PRR5: variants seen among roughly 807,000 people sequenced by gnomAD.
PRR5 encodes the protein proline-rich protein 5.
In PRR5, 25 loss-of-function variants were observed where a neutral mutation model predicts 30.6. The observed-to-expected ratio is 0.82, with a 90% CI of 0.60 to 1.14. The LOEUF (loss-of-function observed/expected upper bound fraction) is 1.14. Ranked by LOEUF, PRR5 falls within the 50% of genes most tolerant of loss-of-function variation. The pLI, the probability that PRR5 is intolerant of heterozygous loss-of-function variation, is 0.00. For synonymous variants in PRR5, 286 were observed against 247.1 expected, an observed-to-expected ratio of 1.16 and a Z score of -1.48; for missense variants, 600 against 547.1, an observed-to-expected ratio of 1.10 and a Z score of -0.96.
intron 1 of PRR5, among the ~76,000 whole-genome samples, chr22:44,680,151 A>G (rs946235889): frequency 6.6e-6 from 1 of 152,218 alleles, no homozygotes; most frequent in African/African-American, 2.4e-5. Context: ...CGTAGGGCAC[A>G]GATACTGATG....
intron 1 of PRR5, among the ~76,000 whole-genome samples, chr22:44,708,072 G>A (rs1927517959): frequency 6.6e-6 from 1 of 152,116 alleles, no homozygotes; most frequent in African/African-American, 2.4e-5. Flanking sequence ...GGTGGCTCAT[G>A]CCTGTAATCC....
chr22:44,733,092 A>G (rs924461635), intron 6 of PRR5, among the ~76,000 whole-genome samples: 2 of 152,254 alleles, frequency 1.3e-5, no homozygotes, highest in African/African-American at 4.8e-5. Context: ...TTCTGCCCAG[A>G]GGGCTTTTGT....
intron 2 of PRR5, among the ~76,000 whole-genome samples, chr22:44,717,717 CTT>C (rs775675392): frequency 1.3e-4 from 17 of 133,586 alleles, no homozygotes; most frequent in Admixed American, 2.2e-4. Flanking sequence ...CCCTGCTTTG[CTT>C]TTTTTTTTTT....
At chr22:44,703,646 A>G (rs1926728682) in intron 1 of PRR5, among the ~76,000 whole-genome samples, 1 of 151,964 alleles carries the variant, frequency 6.6e-6, no homozygotes, top group Non-Finnish European at 1.5e-5. Flanking sequence ...CCCTGTGGGG[A>G]GGGCTGGTGT....
chr22:44,729,736 C>T lies in PRR5; in HGVS notation c.323-1994C>T, dbSNP rs769641378. The T allele has an allele frequency of 1.9e-3, 1,894 of 985,506 alleles. 4 individuals carry two copies. Among genetic ancestry groups the T allele is most frequent in the Non-Finnish European group, 2.1e-3 (1,740 of 829,948 alleles). 61.0% of individuals were successfully genotyped at this position (985,506 alleles called of 1,614,324 possible). ...GGCTGCCCTTCCTGGCCTCTCGTCA[C>T]CGTGTGGCTCCAGCTGGGGCCTGGA... On this transcript the variant is annotated intron_variant, in intron 4 of 7. Transcript: ENST00000336985.
intron 1 of PRR5, among the ~76,000 whole-genome samples, chr22:44,712,843 C>T (rs766318305): frequency 1.9e-4 from 29 of 152,102 alleles, no homozygotes; most frequent in Non-Finnish European, 3.4e-4. Flanking sequence ...CTGAGGACCT[C>T]GTGGCCAGCA....
upstream of PRR5, among the ~76,000 whole-genome samples, chr22:44,674,177 C>G (rs1923581027): frequency 6.6e-6 from 1 of 150,788 alleles, no homozygotes; most frequent in East Asian, 1.9e-4. Flanking sequence ...TTTTTTTAGA[C>G]AGTGCCTTGC....
Position 44,691,074 on chromosome 22 carries a change from G to C in PRR5, c.-10-11418G>C, listed in dbSNP as rs989346210. Among the ~76,000 whole-genome samples, 1 of 152,046 alleles carries C rather than the reference G, an allele frequency of 6.6e-6. No individual in the cohort carries two copies. Among genetic ancestry groups the C allele is most frequent in the Admixed American group, 6.5e-5 (1 of 15,270 alleles). On this transcript the variant is annotated intron_variant, in intron 1 of 8. Transcript: ENST00000006251. This position sits in a 1 kb window ranked among gnomAD's most constrained non-coding sequence, Gnocchi z 4.4. The stretch of plus-strand genomic sequence containing the variant: ...CCTCGGGAAGGTGGATTCCCGGGGC[G>C]GGGAGGCAGGAGAGTCCTGAGCCCC...
chr22:44,682,311 G>A (rs1413741526), intron 1 of PRR5, among the ~76,000 whole-genome samples: 3 of 152,216 alleles, frequency 2.0e-5, no homozygotes, highest in Non-Finnish European at 1.5e-5. Flanking sequence ...TCTAATACAG[G>A]GGATGCCATA....
rs751553374 is a variant in PRR5 at position 44,737,244 on chromosome 22, G to A, written c.1164G>A (p.Val388=). Residue 388 remains valine, a synonymous_variant, in exon 8 of 8, where the codon GTG becomes GTA. Coordinates refer to ENST00000336985, the MANE Select transcript of PRR5 (RefSeq NM_181333.4). ...GCTCTGGGGGCCGGCAGAGTGTCGTGTGAGGCCTCACAGCTGGCCTTGAGT... is the reference window on the plus strand; with the variant it reads ...GCTCTGGGGGCCGGCAGAGTGTCGTATGAGGCCTCACAGCTGGCCTTGAGT... The part of the protein sequence containing the change: ...LEGSGGRQSV[V] 3 of 1,597,220 alleles carry A rather than the reference G, an allele frequency of 1.9e-6. No homozygotes were observed. The highest frequency in any genetic ancestry group is 2.6e-6 in the Non-Finnish European group (3 of 1,168,616).
intron 1 of PRR5, among the ~76,000 whole-genome samples, chr22:44,669,520 A>G (rs1206053324): frequency 1.3e-5 from 2 of 152,156 alleles, no homozygotes; most frequent in East Asian, 3.9e-4. Context: ...GCAGGTGGGG[A>G]TACTGGGCAG....
At chr22:44,679,654 C>G in intron 1 of PRR5, 2 of 686,444 alleles carry the variant, frequency 2.9e-6, no homozygotes, top group South Asian at 4.3e-5. Flanking sequence ...TGCAGTGAGC[C>G]GAGATCGCCC....
chr22:44,704,798 C>G (rs1926924141), intron 1 of PRR5, among the ~76,000 whole-genome samples: 1 of 152,034 alleles, frequency 6.6e-6, no homozygotes. Context: ...CAGGATGCAG[C>G]AGAGCCTGCG....
chr22:44,693,145 C>T (rs1217049307), intron 1 of PRR5, among the ~76,000 whole-genome samples: 1 of 152,078 alleles, frequency 6.6e-6, no homozygotes, highest in Non-Finnish European at 1.5e-5. Flanking sequence ...AACTAATGAC[C>T]ATAAACCAGG....
chr22:44,713,753 A>T (rs940012429), intron 1 of PRR5, among the ~76,000 whole-genome samples: 2 of 152,176 alleles, frequency 1.3e-5, no homozygotes, highest in Non-Finnish European at 2.9e-5. Context: ...TTTGCTTTCT[A>T]TCCCTTCACA....
At chr22:44,712,136 T>C (rs1928336829) in intron 1 of PRR5, among the ~76,000 whole-genome samples, 1 of 152,040 alleles carries the variant, frequency 6.6e-6, no homozygotes, top group South Asian at 2.1e-4. Context: ...TCAAACTCTC[T>C]AGGGGTGGCG....
chr22:44,686,386 G>T (rs1924755075), intron 1 of PRR5, among the ~76,000 whole-genome samples: 1 of 152,136 alleles, frequency 6.6e-6, no homozygotes. Flanking sequence ...GCCCAGGCTG[G>T]GGTGCAGTGG....
At chr22:44,727,635 G>T (rs948835796) in intron 4 of PRR5, among the ~76,000 whole-genome samples, 42 of 152,192 alleles carry the variant, frequency 2.8e-4, no homozygotes, top group Admixed American at 9.8e-4. Context: ...AGGCCACCGG[G>T]TCCCGAACCC....
chr22:44,713,868 A>G (rs543620453), intron 1 of PRR5, among the ~76,000 whole-genome samples: 1 of 152,056 alleles, frequency 6.6e-6, no homozygotes, highest in African/African-American at 2.4e-5. Context: ...CAGTGGCGCG[A>G]TCTCGGCTCA....
Sources: allele counts gnomAD v4.1 joint callset (sites outside exome capture counted in the v4.1 genomes callset), GRCh38; gene constraint gnomAD v4.1.1; non-coding constraint Gnocchi (gnomAD v3.1); transcripts MANE v1.5; gene names NCBI Gene and HGNC (gene_info 2026-07-23, HGNC 2026-07-21).